PPP1R1C: variants seen among roughly 807,000 people sequenced by gnomAD.
PPP1R1C encodes protein phosphatase 1 regulatory inhibitor subunit 1C, also known as protein phosphatase 1 regulatory subunit 1C.
A neutral mutation model predicts 17.4 loss-of-function variants in PPP1R1C; 15 were observed. The observed-to-expected ratio is 0.86, with a 90% CI of 0.58 to 1.33. The LOEUF is 1.33. Among genes scored for constraint, PPP1R1C ranks in the 40% most tolerant of loss-of-function variants. The pLI is 0.00. For missense variants in PPP1R1C, 143 were observed against 130.0 expected (o/e 1.10, Z -0.48); for synonymous variants, 35 against 43.1 (o/e 0.81, Z 0.73).
rs76316745 is a variant in PPP1R1C, at chr2:182,058,477, C to G, written c.143-2965C>G. On this transcript the variant is annotated intron_variant, in intron 2 of 4. Transcript: ENST00000682840. ...TTCCCACCATAAAGATACTCATTCC[C>G]TCCTGCTCCTTTTCCATACTGCACT... is the stretch of plus-strand genomic sequence containing the variant. 2.5e-3 allele frequency among the ~76,000 whole-genome samples: 373 copies of G among 152,232 alleles called. 15 individuals carry two copies. In the East Asian group the frequency reaches 0.068, roughly 28 times the overall value.
At chr2:182,093,593 C>G (rs1231929018) in intron 4 of PPP1R1C, among the ~76,000 whole-genome samples, 1 of 152,164 alleles carries the variant, frequency 6.6e-6, no homozygotes, top group African/African-American at 2.4e-5. Context: ...AAACTGAATG[C>G]CTTTAACAGC....
At chr2:182,062,311 A>G (rs1456106977) in intron 3 of PPP1R1C, among the ~76,000 whole-genome samples, 1 of 152,168 alleles carries the variant, frequency 6.6e-6, no homozygotes, top group Non-Finnish European at 1.5e-5. Flanking sequence ...AATATAAATT[A>G]GTTTTTATTA....
intron 4 of PPP1R1C, among the ~76,000 whole-genome samples, chr2:182,111,313 G>A (rs183408700): frequency 1.4e-4 from 22 of 152,172 alleles, no homozygotes; most frequent in East Asian, 3.9e-4. Flanking sequence ...CATATTGCAC[G>A]TTTATTCTTC....
At chr2:182,047,533 C>T (rs1687383172) in intron 2 of PPP1R1C, among the ~76,000 whole-genome samples, 1 of 152,052 alleles carries the variant, frequency 6.6e-6, no homozygotes. Flanking sequence ...GATGTCATCC[C>T]CAAAGAAAAC....
intron 4 of PPP1R1C, among the ~76,000 whole-genome samples, chr2:182,097,761 A>G (rs1406266173): frequency 6.6e-6 from 1 of 152,178 alleles, no homozygotes; most frequent in Non-Finnish European, 1.5e-5. Flanking sequence ...TAAAACCTAG[A>G]TTATGATTCT....
In PPP1R1C at chr2:182,064,486, G is replaced by C. The variant is rs577866944; in HGVS notation, c.241+695G>C. Among the ~76,000 whole-genome samples the C allele has an allele frequency of 3.3e-5, 5 of 152,164 alleles. No individual in the cohort carries two copies. In the South Asian group the frequency reaches 1.0e-3, roughly 32 times the overall value. ...GTCTGGTGCTTGGGCTGTGGGCCCA[G>C]TGGCTGATCATACTCAATTTGTCCA... On this transcript the variant is annotated intron_variant, in intron 4 of 4. Transcript: ENST00000682840.
chr2:182,050,545 G>A (rs997026423), intron 2 of PPP1R1C, among the ~76,000 whole-genome samples: 1 of 152,162 alleles, frequency 6.6e-6, no homozygotes, highest in Admixed American at 6.6e-5. Flanking sequence ...ATTCTGAACA[G>A]CATGTCAGGA....
intron 2 of PPP1R1C, among the ~76,000 whole-genome samples, chr2:182,024,760 C>T (rs1278923354): frequency 1.3e-5 from 2 of 151,752 alleles, no homozygotes; most frequent in Non-Finnish European, 2.9e-5. Context: ...GAGGTTGAGG[C>T]AGGATAATTG....
At chr2:182,040,159 G>A (rs1424597512) in intron 2 of PPP1R1C, among the ~76,000 whole-genome samples, 1 of 152,080 alleles carries the variant, frequency 6.6e-6, no homozygotes, top group Non-Finnish European at 1.5e-5. Context: ...TTTCCTTTGG[G>A]TAGATACCCA....
intron 2 of PPP1R1C, among the ~76,000 whole-genome samples, chr2:181,988,702 A>T (rs958737425): frequency 9.2e-5 from 14 of 152,208 alleles, no homozygotes; most frequent in East Asian, 3.8e-4. Flanking sequence ...AACAGTGGAA[A>T]CATAATATGT....
chr2:182,008,084 T>TAAA (rs1254951299), intron 2 of PPP1R1C, among the ~76,000 whole-genome samples: 21 of 25,742 alleles, frequency 8.2e-4, no homozygotes, highest in African/African-American at 1.2e-3. Context: ...AACAAACAAA[T>TAAA]AAATAAAAAA....
chr2:181,973,627 C>T (rs993278251), intron 1 of PPP1R1C, among the ~76,000 whole-genome samples: 8 of 152,106 alleles, frequency 5.3e-5, no homozygotes, highest in African/African-American at 1.9e-4. Context: ...CAACTGAGAG[C>T]TGATCATTTG....
chr2:181,990,828 T>C (rs1685454652), intron 2 of PPP1R1C, among the ~76,000 whole-genome samples: 1 of 152,176 alleles, frequency 6.6e-6, no homozygotes, highest in African/African-American at 2.4e-5. Context: ...CCAAAAGCAA[T>C]ATGTTGTTTG....
intron 2 of PPP1R1C, among the ~76,000 whole-genome samples, chr2:181,991,882 A>G (rs1309794403): frequency 6.6e-6 from 1 of 151,798 alleles, no homozygotes; most frequent in African/African-American, 2.4e-5. Flanking sequence ...ATTTTTTTTT[A>G]TCTAGAGAGC....
At chr2:182,049,992 G>T (rs181511007) in intron 2 of PPP1R1C, among the ~76,000 whole-genome samples, 21 of 152,274 alleles carry the variant, frequency 1.4e-4, no homozygotes, top group Non-Finnish European at 7.4e-5. Context: ...GTGGGGCTCT[G>T]CCAGAGGCCA....
intron 4 of PPP1R1C, among the ~76,000 whole-genome samples, chr2:182,113,631 T>A (rs963350141): frequency 1.3e-5 from 2 of 151,434 alleles, no homozygotes; most frequent in Non-Finnish European, 2.9e-5. Flanking sequence ...TCACCTAAAA[T>A]CCCTAACTAT....
At chr2:182,068,625 C>T (rs1192457558) in intron 4 of PPP1R1C, among the ~76,000 whole-genome samples, 3 of 152,180 alleles carry the variant, frequency 2.0e-5, no homozygotes, top group Non-Finnish European at 4.4e-5. Flanking sequence ...CCTCATTTCA[C>T]CTAGCTCCGG....
chr2:182,073,292 G>A (rs2178496), intron 4 of PPP1R1C, among the ~76,000 whole-genome samples: 8,962 of 152,288 alleles, frequency 0.059, 916 homozygotes, highest in African/African-American at 0.2. Flanking sequence ...TCTTCCAGGA[G>A]CATTCTGATC....
Position 182,117,517 on chromosome 2 carries a change from T to C in PPP1R1C, c.*222T>C, listed in dbSNP as rs1689623852. Reference sequence around the variant, plus strand: ...ATAATTAAAGAATAAGCATTTATTTTACAGTGATTCTTCTTTTTAACTATG... The same window carrying C: ...ATAATTAAAGAATAAGCATTTATTTCACAGTGATTCTTCTTTTTAACTATG... On this transcript the variant is annotated 3_prime_UTR_variant, in exon 5 of 5. Coordinates refer to ENST00000682840, the MANE Select transcript of PPP1R1C (RefSeq NM_001080545.3). The C allele has an allele frequency of 2.6e-5, 11 of 427,038 alleles. 1 individual carries two copies. Among genetic ancestry groups the C allele is most frequent in the Admixed American group, 2.1e-4 (5 of 24,168 alleles). The allele number at this position is 427,038 out of a possible 1,614,324, so 26.5% of individuals were successfully genotyped here. A position where few individuals can be genotyped will look rare whatever the true frequency, so the allele number is the denominator to read the frequency against.
Sources: allele counts gnomAD v4.1 joint callset (sites outside exome capture counted in the v4.1 genomes callset), GRCh38; gene constraint gnomAD v4.1.1; transcripts MANE v1.5; gene names NCBI Gene and HGNC (gene_info 2026-07-23, HGNC 2026-07-21).